TSPAN9: variants seen among roughly 807,000 people sequenced by gnomAD.
The protein encoded by TSPAN9 is tetraspanin 9, also known as tetraspanin-9.
A neutral mutation model predicts 31.0 loss-of-function variants in TSPAN9; 16 were observed. That is an observed-to-expected ratio of 0.52 (90% CI 0.35 to 0.78). The LOEUF (loss-of-function observed/expected upper bound fraction) is 0.78, where lower values mean the gene tolerates loss of function less well. Among genes scored for constraint, TSPAN9 ranks in the 30% least tolerant of loss-of-function variants. The pLI is 0.01. For missense variants in TSPAN9, 272 were observed against 312.5 expected, an observed-to-expected ratio of 0.87 and a Z score of 0.98; for synonymous variants, 145 against 121.6, an observed-to-expected ratio of 1.19 and a Z score of -1.27.
chr12:3,235,424 A>G (rs1375375096), intron 3 of TSPAN9, among the ~76,000 whole-genome samples: 1 of 150,646 alleles, frequency 6.6e-6, no homozygotes, highest in East Asian at 2.0e-4. Flanking sequence ...GTGACATTGG[A>G]AAAACTGCCC....
intron 2 of TSPAN9, among the ~76,000 whole-genome samples, chr12:3,175,259 T>G (rs1443247811): frequency 6.6e-6 from 1 of 152,104 alleles, no homozygotes; most frequent in Non-Finnish European, 1.5e-5. Context: ...ACGAGAGCGG[T>G]CAGTCTTCCT....
intron 3 of TSPAN9, among the ~76,000 whole-genome samples, chr12:3,219,259 A>G (rs1392780520): frequency 2.0e-5 from 3 of 152,216 alleles, no homozygotes; most frequent in Non-Finnish European, 4.4e-5. Flanking sequence ...TTTGTGAACA[A>G]TGACAGTGAC....
At chr12:3,249,090 C>T (rs911214603) in intron 3 of TSPAN9, among the ~76,000 whole-genome samples, 17 of 152,238 alleles carry the variant, frequency 1.1e-4, no homozygotes, top group African/African-American at 4.1e-4. Flanking sequence ...TCATTCGATA[C>T]AGGCCTGCCA....
chr12:3,170,520 A>G lies in TSPAN9; in HGVS notation c.-17-30657A>G, dbSNP rs2098351168. Among the ~76,000 whole-genome samples, 2 of 151,650 alleles carry G rather than the reference A, an allele frequency of 1.3e-5. No homozygotes were observed. Among genetic ancestry groups the G allele is most frequent in the Non-Finnish European group, 2.9e-5 (2 of 67,940 alleles). ...TTCTGTTCCTCCTTGTCAAAATTAC[A>G]TTGTTGGAAACAAAATCTGATCTGG... On this transcript the variant is annotated intron_variant, in intron 2 of 8. Coordinates refer to ENST00000011898, the MANE Select transcript of TSPAN9 (RefSeq NM_006675.5). The surrounding 1 kb of genome is among the most constrained non-coding windows in gnomAD (Gnocchi z 4.4).
At chr12:3,214,544 G>A (rs1020935186) in intron 3 of TSPAN9, among the ~76,000 whole-genome samples, 2 of 152,186 alleles carry the variant, frequency 1.3e-5, no homozygotes, top group Non-Finnish European at 2.9e-5. Flanking sequence ...CTTGCTTAGT[G>A]GTGGGGGGAG....
chr12:3,283,319 C>A lies in TSPAN9; in HGVS notation c.*203C>A. The A allele has an allele frequency of 3.6e-6, 2 of 557,224 alleles. No homozygotes were observed. The highest frequency in any genetic ancestry group is 6.2e-6 in the Non-Finnish European group (2 of 322,606). 34.5% of individuals were successfully genotyped at this position (557,224 alleles called of 1,614,324 possible). On this transcript the variant is annotated 3_prime_UTR_variant, in exon 9 of 9. Transcript: ENST00000011898. ...GGAGGAGGCACACGGAGACCTGGGG[C>A]TCGGGGCCCCTGGATTCCTGCATCT...
chr12:3,098,620 T>A (rs572959649), intron 2 of TSPAN9, among the ~76,000 whole-genome samples: 1 of 152,210 alleles, frequency 6.6e-6, no homozygotes, highest in Admixed American at 6.5e-5. Context: ...CCGTATTGTT[T>A]CTGTAATGCC....
At chr12:3,279,636 G>A (rs1042970690) in intron 5 of TSPAN9, among the ~76,000 whole-genome samples, 5 of 152,214 alleles carry the variant, frequency 3.3e-5, no homozygotes, top group East Asian at 1.9e-4. Context: ...GAGGTTGGCC[G>A]GGATTTCAGT....
chr12:3,276,820 A>G (rs562199377), intron 3 of TSPAN9, among the ~76,000 whole-genome samples: 1 of 152,190 alleles, frequency 6.6e-6, no homozygotes, highest in South Asian at 2.1e-4. Context: ...CTGAATACGC[A>G]GGTGTTCACT....
At chr12:3,211,437 T>G (rs11062573) in intron 3 of TSPAN9, among the ~76,000 whole-genome samples, 80,988 of 151,554 alleles carry the variant, frequency 0.53, 22,381 homozygotes, top group Middle Eastern at 0.67. Flanking sequence ...AGAGTATTTT[T>G]GCTGTTCTTG....
intron 2 of TSPAN9, among the ~76,000 whole-genome samples, chr12:3,116,877 G>T (rs2098322681): frequency 6.6e-6 from 1 of 152,060 alleles, no homozygotes. Context: ...CTACCTCTGT[G>T]GCCGCCCTTG....
chr12:3,278,483 C>T lies in TSPAN9; in HGVS notation c.126C>T (p.Ala42=). The T allele has an allele frequency of 1.2e-6, 2 of 1,614,206 alleles. No individual in the cohort carries two copies. The highest frequency in any genetic ancestry group is 1.7e-6 in the Non-Finnish European group (2 of 1,180,022). Residue 42 remains alanine, a synonymous_variant, in exon 4 of 9, where the codon GCC becomes GCT. Transcript: ENST00000011898. ...IWLSVSQGNF[A]TFSPSFPSLS... Reference sequence around the variant, plus strand: ...TCTCCGTGTCCCAAGGCAACTTTGCCACCTTCTCCCCCAGCTTCCCTTCGT... The same window carrying T: ...TCTCCGTGTCCCAAGGCAACTTTGCTACCTTCTCCCCCAGCTTCCCTTCGT...
intron 3 of TSPAN9, among the ~76,000 whole-genome samples, chr12:3,262,230 A>G (rs1862462284): frequency 6.6e-6 from 1 of 152,316 alleles, no homozygotes; most frequent in East Asian, 1.9e-4. Context: ...AAATCCCTCC[A>G]CTTGCAGTGT....
At chr12:3,101,206 C>T (rs2098311702) in intron 2 of TSPAN9, among the ~76,000 whole-genome samples, 1 of 152,108 alleles carries the variant, frequency 6.6e-6, no homozygotes, top group East Asian at 1.9e-4. Flanking sequence ...AACAGTTTTC[C>T]AACATGTGTA....
intron 2 of TSPAN9, among the ~76,000 whole-genome samples, chr12:3,136,794 C>T (rs1038475105): frequency 2.4e-4 from 36 of 152,010 alleles, no homozygotes; most frequent in Non-Finnish European, 4.1e-4. Context: ...AGGTGGTGAC[C>T]GCAGCCATCC....
At chr12:3,254,564 C>A (rs565789876) in intron 3 of TSPAN9, among the ~76,000 whole-genome samples, 2 of 152,316 alleles carry the variant, frequency 1.3e-5, no homozygotes, top group Admixed American at 6.5e-5. Context: ...CTGTCTTGTC[C>A]GTTCTGATGA....
chr12:3,077,907 A>G (rs7305871), intron 1 of TSPAN9, among the ~76,000 whole-genome samples: 3,266 of 152,282 alleles, frequency 0.021, 119 homozygotes, highest in African/African-American at 0.075. Context: ...TCCCTGGGCC[A>G]CTGCTGGAAG....
chr12:3,200,930 T>G, intron 2 of TSPAN9: 1 of 427,730 alleles, frequency 2.3e-6, no homozygotes, highest in Non-Finnish European at 4.1e-6. Flanking sequence ...CATGGAGAAG[T>G]CGAGTAGCGA....
chr12:3,096,411 A>G (rs1370854703), intron 2 of TSPAN9, among the ~76,000 whole-genome samples: 1 of 152,076 alleles, frequency 6.6e-6, no homozygotes, highest in East Asian at 1.9e-4. Context: ...CATCTCTCCT[A>G]AGTATCTCTT....
Sources: gnomAD v4.1 joint callset for allele counts (sites outside exome capture counted in the v4.1 genomes callset) on GRCh38, gnomAD v4.1.1 for gene constraint, Gnocchi (gnomAD v3.1) non-coding constraint, MANE v1.5 for transcripts, NCBI Gene and HGNC (gene_info 2026-07-23, HGNC 2026-07-21) for gene names.